CDH18: variants seen among roughly 807,000 people sequenced by gnomAD.
The protein encoded by CDH18 is cadherin-18.
CDH18 carries 31 observed loss-of-function variants against 67.9 expected under a neutral mutation model. That is an observed-to-expected ratio of 0.46 (90% CI 0.34 to 0.62). CDH18 has a LOEUF of 0.62. Among genes scored for constraint, CDH18 ranks in the 20% least tolerant of loss-of-function variants. The pLI is 0.01. For missense variants in CDH18, 890 were observed against 975.5 expected (o/e 0.91, Z 1.17); for synonymous variants, 362 against 347.2 (o/e 1.04, Z -0.48).
chr5:20,017,421 T>C (rs1164334857), intron 2 of CDH18, among the ~76,000 whole-genome samples: 2 of 152,156 alleles, frequency 1.3e-5, no homozygotes, highest in African/African-American at 2.4e-5. Context: ...TCTATATGAG[T>C]AGTATTGGGC....
chr5:19,670,435 T>C (rs1477759200), intron 5 of CDH18, among the ~76,000 whole-genome samples: 2 of 152,138 alleles, frequency 1.3e-5, no homozygotes, highest in East Asian at 1.9e-4. Context: ...GCCAAAATTT[T>C]GTGTTACTGC....
intron 2 of CDH18, among the ~76,000 whole-genome samples, chr5:19,978,332 CTT>C (rs986595265): frequency 2.6e-5 from 4 of 152,050 alleles, no homozygotes; most frequent in African/African-American, 7.2e-5. Context: ...TTTCATATGA[CTT>C]TTTCATCAAT....
chr5:20,410,874 A>G (rs533172937), intron 1 of CDH18, among the ~76,000 whole-genome samples: 35 of 152,022 alleles, frequency 2.3e-4, no homozygotes, highest in African/African-American at 8.2e-4. Context: ...GGAATAAAAT[A>G]CTTAAGAATA....
At chr5:19,698,534 T>C (rs1283240247) in intron 5 of CDH18, among the ~76,000 whole-genome samples, 4 of 152,028 alleles carry the variant, frequency 2.6e-5, no homozygotes, top group Non-Finnish European at 5.9e-5. Context: ...CAGCTATGTG[T>C]TTTAATTATA....
intron 1 of CDH18, among the ~76,000 whole-genome samples, chr5:20,398,866 C>A: frequency 6.8e-6 from 1 of 147,290 alleles, no homozygotes; most frequent in South Asian, 2.2e-4. Context: ...CCACGGCACA[C>A]GTATACCTAC....
At chr5:19,949,847 A>G (rs1477210673) in intron 2 of CDH18, among the ~76,000 whole-genome samples, 2 of 151,998 alleles carry the variant, frequency 1.3e-5, no homozygotes, top group African/African-American at 2.4e-5. Flanking sequence ...GAATCTACCC[A>G]GAGGAAAAGA....
chr5:19,496,210 A>G (rs1561197317), intron 11 of CDH18, among the ~76,000 whole-genome samples: 1 of 152,220 alleles, frequency 6.6e-6, no homozygotes, highest in East Asian at 1.9e-4. Context: ...TTCTAAAAAC[A>G]GACAAATCAG....
chr5:20,019,032 C>A (rs970292539), intron 2 of CDH18, among the ~76,000 whole-genome samples: 4 of 142,378 alleles, frequency 2.8e-5, no homozygotes, highest in Non-Finnish European at 6.0e-5. Context: ...CTCCTGACCT[C>A]GTGATCCGCC....
At chr5:19,604,340 G>A (rs190603080) in intron 6 of CDH18, among the ~76,000 whole-genome samples, 1 of 152,048 alleles carries the variant, frequency 6.6e-6, no homozygotes, top group Admixed American at 6.6e-5. Context: ...CTATTTTATA[G>A]TATTTACTTG....
At chr5:19,547,493 C>T (rs1331936563) in intron 8 of CDH18, among the ~76,000 whole-genome samples, 2 of 152,158 alleles carry the variant, frequency 1.3e-5, no homozygotes. Context: ...AACTGTCAGT[C>T]TGGAAGAAAA....
chr5:19,887,080 C>A (rs139812057), intron 2 of CDH18, among the ~76,000 whole-genome samples: 1 of 151,594 alleles, frequency 6.6e-6, no homozygotes, highest in Non-Finnish European at 1.5e-5. Flanking sequence ...CAGGTGCCCA[C>A]ATGTATATGC....
At chr5:20,148,565 G>C (rs1029636257) in intron 2 of CDH18, among the ~76,000 whole-genome samples, 1 of 152,112 alleles carries the variant, frequency 6.6e-6, no homozygotes, top group Non-Finnish European at 1.5e-5. Context: ...CTTGTATTTT[G>C]CCAGGTTGCG....
chr5:20,491,760 A>T (rs2126389112), intron 1 of CDH18, among the ~76,000 whole-genome samples: 1 of 152,348 alleles, frequency 6.6e-6, no homozygotes, highest in African/African-American at 2.4e-5. Flanking sequence ...AAATGTAAAT[A>T]TCATCCAAAA....
At chr5:19,915,773 TC>T (rs1791705947) in intron 2 of CDH18, among the ~76,000 whole-genome samples, 1 of 152,018 alleles carries the variant, frequency 6.6e-6, no homozygotes, top group Non-Finnish European at 1.5e-5. Flanking sequence ...CTTTTAATTT[TC>T]TTTTATGTTT....
At chr5:20,298,345 T>C (rs1429168794) in intron 1 of CDH18, among the ~76,000 whole-genome samples, 1 of 152,180 alleles carries the variant, frequency 6.6e-6, no homozygotes, top group East Asian at 1.9e-4. Context: ...CAGAGAGTGA[T>C]GGAAGAAACC....
In CDH18 at chr5:20,230,851, C is replaced by G. The variant is rs1037832845; in HGVS notation, c.-518+24593G>C. Among the ~76,000 whole-genome samples the G allele has an allele frequency of 3.3e-5, 5 of 152,192 alleles. No individual in the cohort carries two copies. In the South Asian group the frequency reaches 8.3e-4, roughly 25 times the overall value. Reference sequence around the variant, plus strand: ...CATCACATTTCTCTGAACAAACAAACAAGAGAAATAATCAGTCTTTGCAGG... The same window carrying G: ...CATCACATTTCTCTGAACAAACAAAGAAGAGAAATAATCAGTCTTTGCAGG... On this transcript the variant is annotated intron_variant, in intron 2 of 14. Transcript: ENST00000507958.
chr5:20,329,692 C>A (rs867952120), intron 1 of CDH18, among the ~76,000 whole-genome samples: 2 of 149,778 alleles, frequency 1.3e-5, no homozygotes, highest in Non-Finnish European at 3.0e-5. Context: ...ATTTCTTGAA[C>A]CCCGGAGGCG....
chr5:20,462,544 A>G (rs1751344782), intron 1 of CDH18, among the ~76,000 whole-genome samples: 1 of 152,170 alleles, frequency 6.6e-6, no homozygotes, highest in Non-Finnish European at 1.5e-5. Flanking sequence ...GTGATGGGAT[A>G]CCCCAAATAC....
chr5:19,951,318 T>C (rs1256598683), intron 2 of CDH18, among the ~76,000 whole-genome samples: 2 of 152,208 alleles, frequency 1.3e-5, no homozygotes, highest in African/African-American at 4.8e-5. Flanking sequence ...AAAGTATATT[T>C]ACAGTAGAAA....
Sources: gnomAD v4.1 joint callset for allele counts (sites outside exome capture counted in the v4.1 genomes callset) on GRCh38, gnomAD v4.1.1 for gene constraint, MANE v1.5 for transcripts, NCBI Gene and HGNC (gene_info 2026-07-23, HGNC 2026-07-21) for gene names.